PDE3B: variants seen among roughly 807,000 people sequenced by gnomAD.
PDE3B encodes phosphodiesterase 3B.
In PDE3B, 66 loss-of-function variants were observed where a neutral mutation model predicts 116.8. That is an observed-to-expected ratio of 0.56 (90% CI 0.46 to 0.69). PDE3B has a LOEUF of 0.69. PDE3B is among the 30% of genes least tolerant of loss of function. The probability of loss-of-function intolerance (pLI) is 0.00; values close to 1 mark genes in which losing one functional copy is unlikely to be tolerated. For missense variants in PDE3B, 1,384 were observed against 1,368.1 expected, an observed-to-expected ratio of 1.01 and a Z score of -0.18; for synonymous variants, 595 against 533.6, an observed-to-expected ratio of 1.12 and a Z score of -1.59.
intron 1 of PDE3B, among the ~76,000 whole-genome samples, chr11:14,716,658 AC>A: frequency 1.3e-5 from 1 of 79,936 alleles, no homozygotes; most frequent in South Asian, 5.0e-4. Context: ...CAGCAGGGGC[AC>A]ACTGACACCT....
chr11:14,673,993 T>C, intron 1 of PDE3B: 8 of 1,387,672 alleles, frequency 5.8e-6, no homozygotes, highest in Non-Finnish European at 8.2e-6. Context: ...TCCACATTTC[T>C]TCTTGGCAGG....
At chr11:14,674,450 T>C in intron 1 of PDE3B, 1 of 612,096 alleles carries the variant, frequency 1.6e-6, no homozygotes, top group Non-Finnish European at 3.2e-6. Flanking sequence ...TGTTTGTCCT[T>C]AATGGCAACC....
At chr11:14,682,092 G>C (rs1225945055) in intron 1 of PDE3B, among the ~76,000 whole-genome samples, 1 of 152,160 alleles carries the variant, frequency 6.6e-6, no homozygotes, top group Non-Finnish European at 1.5e-5. Flanking sequence ...TATGTTTACT[G>C]TTTAATTCAT....
Position 14,832,793 on chromosome 11 carries a change from C to G in PDE3B, c.2166C>G (p.Asn722Lys). ...AAATTCCCACTCAACAATTTATGAA[C>G]TATTTTCGTGCATTAGAAAATGGCT... The part of the protein sequence containing the change: ...IFKIPTQQFM[N>K]YFRALENGYR... The change falls in exon 10 of 16, where the codon AAC becomes AAG. Residue 722 changes from asparagine to lysine, a missense_variant. Asn to Lys is a moderately conservative substitution (Grantham distance 94, BLOSUM62 0). This residue lies in a region of PDE3B where 428 missense variants were observed against 561.4 expected (regional missense o/e 0.76). Transcript: ENST00000282096. 1 of 1,538,428 alleles carries G rather than the reference C, an allele frequency of 6.5e-7. No individual in the cohort carries two copies. The highest frequency in any genetic ancestry group is 8.9e-7 in the Non-Finnish European group (1 of 1,120,552).
chr11:14,863,206 T>A (rs1457044329), intron 14 of PDE3B, among the ~76,000 whole-genome samples: 1 of 152,228 alleles, frequency 6.6e-6, no homozygotes, highest in Non-Finnish European at 1.5e-5. Context: ...GCAAAGGACA[T>A]GAACTCATCC....
chr11:14,878,421 A>T, the PDE3B span: 6 of 927,496 alleles, frequency 6.5e-6, no homozygotes, highest in South Asian at 9.8e-5. Context: ...AACTATGTTT[A>T]TTAAAGGATT....
At chr11:14,811,866 A>T (rs996283611) in intron 5 of PDE3B, among the ~76,000 whole-genome samples, 2 of 152,108 alleles carry the variant, frequency 1.3e-5, no homozygotes, top group Non-Finnish European at 2.9e-5. Context: ...CGTCCCTTGT[A>T]AGTTGGATTC....
intron 1 of PDE3B, among the ~76,000 whole-genome samples, chr11:14,737,979 T>C (rs746374929): frequency 1.3e-5 from 2 of 152,186 alleles, no homozygotes; most frequent in African/African-American, 4.8e-5. Context: ...TAGTATTCCA[T>C]GGTGTATATG....
intron 12 of PDE3B, among the ~76,000 whole-genome samples, chr11:14,845,921 T>C (rs967503611): frequency 1.3e-5 from 2 of 152,132 alleles, no homozygotes; most frequent in African/African-American, 4.8e-5. Context: ...CTCTGTAGGA[T>C]ATTATCCAGG....
rs748461820 is a variant in PDE3B at position 14,644,830 on chromosome 11, T to TG, written c.761dup (p.Ala255ArgfsTer85). 4 of 1,611,606 alleles carry TG rather than the reference T, an allele frequency of 2.5e-6. No individual in the cohort carries two copies. Among genetic ancestry groups the TG allele is most frequent in the African/African-American group, 1.3e-5 (1 of 74,898 alleles). ...CTCAGGCCGCTGCTCTCCGGCCTGGTGGGGGGCGCTGGCTGCCTGCTGGCC... is the reference window on the plus strand; with the variant it reads ...CTCAGGCCGCTGCTCTCCGGCCTGGTGGGGGGGCGCTGGCTGCCTGCTGGCC... On this transcript the variant is annotated frameshift_variant, in exon 1 of 16. Coordinates refer to ENST00000282096, the MANE Select transcript of PDE3B (RefSeq NM_000922.4). LOFTEE classifies it high-confidence loss of function.
At chr11:14,822,725 A>G (rs1373710579) in intron 7 of PDE3B, among the ~76,000 whole-genome samples, 6 of 152,340 alleles carry the variant, frequency 3.9e-5, no homozygotes. Flanking sequence ...AGGCAAAAGC[A>G]GCTGCAACTT....
At chr11:14,761,198 A>G (rs768044699) in intron 1 of PDE3B, among the ~76,000 whole-genome samples, 2 of 152,188 alleles carry the variant, frequency 1.3e-5, no homozygotes, top group African/African-American at 2.4e-5. Flanking sequence ...CTAGTAGTAC[A>G]TTCATCATTG....
the PDE3B span, chr11:14,892,199 T>A: frequency 6.2e-7 from 1 of 1,609,820 alleles, no homozygotes; most frequent in African/African-American, 1.3e-5. Context: ...CTCCAAAGCT[T>A]CCACATCGGC....
chr11:14,735,740 G>GTT (rs1565114397), intron 1 of PDE3B, among the ~76,000 whole-genome samples: 1 of 152,148 alleles, frequency 6.6e-6, no homozygotes. Context: ...ATCGAAAAAA[G>GTT]TTTAACTGGC....
intron 2 of PDE3B, among the ~76,000 whole-genome samples, chr11:14,781,510 A>G (rs1429137725): frequency 1.3e-5 from 2 of 152,226 alleles, no homozygotes; most frequent in Non-Finnish European, 2.9e-5. Flanking sequence ...TTCAACATAC[A>G]CAAATCAATA....
intron 1 of PDE3B, among the ~76,000 whole-genome samples, chr11:14,649,644 A>G (rs1191818094): frequency 1.3e-5 from 2 of 152,236 alleles, no homozygotes; most frequent in East Asian, 3.8e-4. Flanking sequence ...GTCAGTTAAG[A>G]GGGACTCTTG....
intron 13 of PDE3B, among the ~76,000 whole-genome samples, chr11:14,859,896 T>C (rs1304858934): frequency 2.6e-5 from 4 of 152,090 alleles, no homozygotes; most frequent in African/African-American, 9.7e-5. Flanking sequence ...CCTCAGACAT[T>C]TGAGGTGAAA....
At chr11:14,878,176 C>T in the PDE3B span, 4 of 1,613,004 alleles carry the variant, frequency 2.5e-6, no homozygotes, top group Admixed American at 1.7e-5. Context: ...TCATGCCTAA[C>T]CTGGGCTTCA....
At position 14,840,638 on chromosome 11, in the gene PDE3B, T is replaced by C. The variant is rs112329005; in HGVS notation, c.2321-3189T>C. Among the ~76,000 whole-genome samples the C allele has an allele frequency of 5.1e-3, 781 of 152,320 alleles. 9 individuals are homozygous for C. Among genetic ancestry groups the C allele is most frequent in the African/African-American group, 0.018 (753 of 41,586 alleles). On this transcript the variant is annotated intron_variant, in intron 11 of 15. Transcript: ENST00000282096. ...CTGGTTTATAAATAGTTCTGCCCAA[T>C]ATGCCAGTACTTCCTCAAAGTGGAT...
Sources: gnomAD v4.1 joint callset for allele counts (sites outside exome capture counted in the v4.1 genomes callset) on GRCh38, gnomAD v4.1.1 for gene constraint, gnomAD v4.1.1 regional missense constraint, MANE v1.5 for transcripts, NCBI Gene and HGNC (gene_info 2026-07-23, HGNC 2026-07-21) for gene names.